Variants in DLGAP2 observed in about 807,000 individuals in gnomAD.
DLGAP2 encodes the protein disks large-associated protein 2.
In DLGAP2, 26 loss-of-function variants were observed where a neutral mutation model predicts 100.3. That is an observed-to-expected ratio of 0.26 (90% CI 0.19 to 0.36). DLGAP2 has a LOEUF of 0.36. Among genes scored for constraint, DLGAP2 ranks in the 10% least tolerant of loss-of-function variants. DLGAP2 has a pLI of 1.00. For synonymous variants in DLGAP2, 886 were observed against 630.1 expected, an observed-to-expected ratio of 1.41 and a Z score of -6.08; for missense variants, 1,858 against 1,453.2, an observed-to-expected ratio of 1.28 and a Z score of -4.53.
chr8:1,364,862 C>T (rs1225217352), intron 3 of DLGAP2, among the ~76,000 whole-genome samples: 3 of 152,170 alleles, frequency 2.0e-5, no homozygotes, highest in African/African-American at 7.2e-5. Flanking sequence ...TCAGCCTTTT[C>T]CAGAGGAGGA....
Position 1,704,434 on chromosome 8 carries a change from C to T in DLGAP2, c.*3028C>T, listed in dbSNP as rs1799651199. ...AAAACACAAGTATGATAAACAGGACCTAGCGTTTAGCCCGGGAAAGGAGAA... is the reference window on the plus strand; with the variant it reads ...AAAACACAAGTATGATAAACAGGACTTAGCGTTTAGCCCGGGAAAGGAGAA... On this transcript the variant is annotated 3_prime_UTR_variant, in exon 15 of 15. Transcript: ENST00000637795. The T allele has an allele frequency of 6.6e-6, 1 of 152,224 alleles. No individual in the cohort carries two copies. The highest frequency in any genetic ancestry group is 2.1e-4 in the South Asian group (1 of 4,828). 9.4% of individuals were successfully genotyped at this position (152,224 alleles called of 1,614,324 possible).
Position 881,670 on chromosome 8 carries a change from C to CACAT in DLGAP2, c.19-26239_19-26238insTACA, listed in dbSNP as rs1563077063. 8.2e-4 allele frequency among the ~76,000 whole-genome samples: 42 copies of CACAT among 50,996 alleles called. 1 individual carries two copies. Among genetic ancestry groups the CACAT allele is most frequent in the Non-Finnish European group, 1.1e-3 (20 of 17,430 alleles). 33.5% of individuals were successfully genotyped at this position (50,996 alleles called of 152,430 possible). A position where few individuals can be genotyped will look rare whatever the true frequency, so the allele number is the denominator to read the frequency against. On this transcript the variant is annotated intron_variant, in intron 1 of 14. Transcript: ENST00000637795. ...GCACGCCACCACTTGTGGCTGAACA[C>CACAT]ACACACACACACTTTTTTTTTTTTT... is the stretch of plus-strand genomic sequence containing the variant.
intron 2 of DLGAP2, among the ~76,000 whole-genome samples, chr8:1,071,000 A>T (rs1803411010): frequency 6.6e-6 from 1 of 152,080 alleles, no homozygotes; most frequent in Non-Finnish European, 1.5e-5. Context: ...CATTTTAGCA[A>T]ACAGTGTGCT....
chr8:1,160,803 T>C (rs114845011), intron 2 of DLGAP2, among the ~76,000 whole-genome samples: 1,593 of 152,226 alleles, frequency 0.01, 34 homozygotes, highest in African/African-American at 0.036. Flanking sequence ...GCAGGGATGG[T>C]TTTTTCACCA....
chr8:1,570,976 T>C (rs1167717145), intron 6 of DLGAP2, among the ~76,000 whole-genome samples: 1 of 42,548 alleles, frequency 2.4e-5, no homozygotes, highest in Non-Finnish European at 4.4e-5. Flanking sequence ...GGGTGAACTG[T>C]GGGGCGTCTG....
intron 2 of DLGAP2, among the ~76,000 whole-genome samples, chr8:1,169,704 A>T (rs1385272792): frequency 1.3e-5 from 2 of 151,794 alleles, no homozygotes; most frequent in Admixed American, 6.6e-5. Context: ...GGTGTATAAG[A>T]ATGCTTGTGA....
chr8:1,182,712 C>T (rs1307101936), intron 2 of DLGAP2, among the ~76,000 whole-genome samples: 6 of 152,310 alleles, frequency 3.9e-5, no homozygotes, highest in East Asian at 1.9e-4. Context: ...ATCACGTCTG[C>T]GCTGCCCTGA....
At chr8:1,049,004 G>C (rs1802595361) in intron 2 of DLGAP2, among the ~76,000 whole-genome samples, 1 of 152,210 alleles carries the variant, frequency 6.6e-6, no homozygotes. Flanking sequence ...ATAATTTGTA[G>C]AGTTTTCAGA....
chr8:961,281 C>A (rs1049341651), intron 2 of DLGAP2, among the ~76,000 whole-genome samples: 5 of 152,198 alleles, frequency 3.3e-5, no homozygotes, highest in African/African-American at 1.2e-4. Flanking sequence ...TTCAGTCATT[C>A]CAGAACTGTG....
chr8:774,125 T>G (rs1821444411), intron 1 of DLGAP2, among the ~76,000 whole-genome samples: 1 of 152,228 alleles, frequency 6.6e-6, no homozygotes, highest in African/African-American at 2.4e-5. Context: ...TTCATGTGTT[T>G]TTTGGCTGCA....
intron 1 of DLGAP2, among the ~76,000 whole-genome samples, chr8:754,823 A>T (rs1178509280): frequency 6.6e-6 from 1 of 152,078 alleles, no homozygotes; most frequent in Non-Finnish European, 1.5e-5. Context: ...TTGGTGACAG[A>T]GTGAGACCCT....
At chr8:1,130,887 C>T (rs1266250124) in intron 2 of DLGAP2, among the ~76,000 whole-genome samples, 5 of 140,504 alleles carry the variant, frequency 3.6e-5, no homozygotes, top group South Asian at 2.2e-4. Flanking sequence ...ACCCCTAGCT[C>T]GGCAGCGGCT....
At chr8:1,651,600 C>T (rs544464969) in intron 8 of DLGAP2, among the ~76,000 whole-genome samples, 1 of 152,184 alleles carries the variant, frequency 6.6e-6, no homozygotes, top group African/African-American at 2.4e-5. Context: ...ATGACCACCC[C>T]ACTCCTGCCG....
intron 1 of DLGAP2, among the ~76,000 whole-genome samples, chr8:827,446 A>C (rs533013893): frequency 1.3e-5 from 2 of 152,332 alleles, no homozygotes; most frequent in East Asian, 3.9e-4. Flanking sequence ...GAGACAACCC[A>C]CTGAACTTAC....
Position 744,415 on chromosome 8 carries a change from G to T in DLGAP2, c.18+6590G>T, listed in dbSNP as rs577001255. Among the ~76,000 whole-genome samples, 3 of 152,352 alleles carry T rather than the reference G, an allele frequency of 2.0e-5. No homozygotes were observed. The South Asian group carries it at 6.2e-4, about 32-fold the overall frequency. Reference sequence around the variant, plus strand: ...GCATCTAATGATCTGAATGGGTGAAGGTGCAGAAGAGGGGCTGACGCCTCC... The same window carrying T: ...GCATCTAATGATCTGAATGGGTGAATGTGCAGAAGAGGGGCTGACGCCTCC... On this transcript the variant is annotated intron_variant, in intron 1 of 14. Transcript: ENST00000637795.
intron 3 of DLGAP2, among the ~76,000 whole-genome samples, chr8:1,430,631 C>G (rs1797398651): frequency 6.6e-6 from 1 of 152,184 alleles, no homozygotes; most frequent in African/African-American, 2.4e-5. Flanking sequence ...CCTATGACTG[C>G]TCTTCTATGA....
intron 3 of DLGAP2, among the ~76,000 whole-genome samples, chr8:1,422,475 C>T (rs755797174): frequency 8.6e-5 from 13 of 151,938 alleles, no homozygotes; most frequent in African/African-American, 3.1e-4. Context: ...CCAGGGAAAC[C>T]TCTCCTGTCT....
intron 6 of DLGAP2, among the ~76,000 whole-genome samples, chr8:1,626,226 T>C (rs1242995780): frequency 9.9e-5 from 9 of 90,562 alleles, no homozygotes; most frequent in East Asian, 2.9e-4. Context: ...GTTGGACGGC[T>C]GTTCCCATCT....
intron 3 of DLGAP2, among the ~76,000 whole-genome samples, chr8:1,485,582 T>C (rs1430762078): frequency 6.6e-6 from 1 of 152,230 alleles, no homozygotes; most frequent in African/African-American, 2.4e-5. Context: ...GACGCTGGTT[T>C]ATCCCCGTTC....
Sources: gnomAD v4.1 joint callset for allele counts (sites outside exome capture counted in the v4.1 genomes callset) on GRCh38, gnomAD v4.1.1 for gene constraint, MANE v1.5 for transcripts, NCBI Gene and HGNC (gene_info 2026-07-23, HGNC 2026-07-21) for gene names.